The following NUMB variants were observed in gnomAD, a reference collection of about 807,000 sequenced individuals.
NUMB encodes the protein NUMB endocytic adaptor protein, also known as protein numb homolog.
A neutral mutation model predicts 59.7 loss-of-function variants in NUMB; 29 were observed. That is an observed-to-expected ratio of 0.49 (90% CI 0.36 to 0.66). The LOEUF (loss-of-function observed/expected upper bound fraction) is 0.66. Among genes scored for constraint, NUMB ranks in the 30% least tolerant of loss-of-function variants. The pLI is 0.00. For missense variants in NUMB, 723 were observed against 822.0 expected (o/e 0.88, Z 1.47); for synonymous variants, 288 against 288.2 (o/e 1.00, Z 0.01).
chr14:73,350,686 C>A (rs907451383), intron 4 of NUMB, among the ~76,000 whole-genome samples: 19 of 135,688 alleles, frequency 1.4e-4, no homozygotes, highest in African/African-American at 5.1e-4. Context: ...TGTGTACTAC[C>A]ACATCTAGCT....
chr14:73,433,220 A>G (rs1451030949), intron 1 of NUMB, among the ~76,000 whole-genome samples: 2 of 151,912 alleles, frequency 1.3e-5, no homozygotes, highest in Non-Finnish European at 2.9e-5. Context: ...TCAGGAGTTC[A>G]AGACCAGTCT....
At chr14:73,399,991 A>C (rs1221523528) in intron 2 of NUMB, among the ~76,000 whole-genome samples, 3 of 152,164 alleles carry the variant, frequency 2.0e-5, no homozygotes, top group African/African-American at 7.2e-5. Context: ...GTGAGCTGAG[A>C]TCGTGCCACT....
At chr14:73,303,371 G>A (rs899035579) in intron 6 of NUMB, among the ~76,000 whole-genome samples, 1 of 152,152 alleles carries the variant, frequency 6.6e-6, no homozygotes, top group Non-Finnish European at 1.5e-5. Flanking sequence ...CCTGAGGTCA[G>A]GAGTTTGAGA....
At chr14:73,314,965 T>C (rs535420317) in intron 6 of NUMB, among the ~76,000 whole-genome samples, 1 of 152,152 alleles carries the variant, frequency 6.6e-6, no homozygotes, top group Non-Finnish European at 1.5e-5. Context: ...AGATTCTTTC[T>C]AGATATGTAT....
intron 1 of NUMB, among the ~76,000 whole-genome samples, chr14:73,447,018 C>A (rs1883564219): frequency 1.3e-5 from 2 of 150,938 alleles, no homozygotes; most frequent in East Asian, 1.9e-4. Context: ...GAAACCCAGT[C>A]TCTACTAAAA....
intron 4 of NUMB, among the ~76,000 whole-genome samples, chr14:73,346,857 G>A (rs548784450): frequency 6.6e-6 from 1 of 152,236 alleles, no homozygotes; most frequent in South Asian, 2.1e-4. Flanking sequence ...CTTTGCTCCT[G>A]TTAAAATAGA....
intron 1 of NUMB, among the ~76,000 whole-genome samples, chr14:73,439,994 A>T (rs1882901437): frequency 6.6e-6 from 1 of 152,190 alleles, no homozygotes; most frequent in African/African-American, 2.4e-5. Flanking sequence ...TATTTAAATC[A>T]GTGGATTCAT....
At chr14:73,356,930 G>C in intron 3 of NUMB, 1 of 309,494 alleles carries the variant, frequency 3.2e-6, no homozygotes, top group Non-Finnish European at 4.7e-6. Context: ...ACTCCTGAGT[G>C]AAAGCAATCC....
Position 73,308,022 on chromosome 14 carries a change from C to T in NUMB, c.234+8368G>A, listed in dbSNP as rs567877640. ...TGCTGGGATTACAGGCGTGAGCCAC[C>T]GCGCCCGGCCGGGCCTCTGTCTTAA... On this transcript the variant is annotated intron_variant, in intron 6 of 12. Transcript: ENST00000555238. Among the ~76,000 whole-genome samples, 12 of 151,774 alleles carry T rather than the reference C, an allele frequency of 7.9e-5. No individual in the cohort carries two copies. In the South Asian group the frequency reaches 8.3e-4, roughly 11 times the overall value.
intron 2 of NUMB, among the ~76,000 whole-genome samples, chr14:73,370,288 A>G (rs1009115041): frequency 2.0e-5 from 3 of 152,244 alleles, no homozygotes; most frequent in African/African-American, 7.2e-5. Flanking sequence ...TAAATAAGAA[A>G]TGTTTAGGAA....
rs7155599 is a variant in NUMB, at chr14:73,296,890, G to A, written c.309+321C>T. On this transcript the variant is annotated intron_variant, in intron 7 of 12. Transcript: ENST00000555238. ...ATACAAAAATTAGCCAGGCGAGGCCGGGCGCAGTGGCTCACACCTGTAATC... is the reference window on the plus strand; with the variant it reads ...ATACAAAAATTAGCCAGGCGAGGCCAGGCGCAGTGGCTCACACCTGTAATC... 6.8e-3 allele frequency among the ~76,000 whole-genome samples: 1,037 copies of A among 152,020 alleles called. 4 individuals are homozygous for A. The highest frequency in any genetic ancestry group is 0.03 in the South Asian group (143 of 4,812).
intron 3 of NUMB, among the ~76,000 whole-genome samples, chr14:73,365,229 T>C (rs1401372245): frequency 6.6e-6 from 1 of 152,042 alleles, no homozygotes; most frequent in African/African-American, 2.4e-5. Flanking sequence ...TTAGTAGAGA[T>C]GGGGCTTCAC....
intron 2 of NUMB, among the ~76,000 whole-genome samples, chr14:73,380,844 C>T (rs921788574): frequency 6.6e-6 from 1 of 151,122 alleles, no homozygotes; most frequent in South Asian, 2.1e-4. Flanking sequence ...CCTGCTTCAA[C>T]CTCCCAAGTA....
chr14:73,279,321 G>A lies in NUMB; in HGVS notation c.1200C>T (p.Ala400=). The change falls in exon 12 of 13, where the codon GCC becomes GCT. Residue 400 remains alanine, a synonymous_variant. Coordinates refer to ENST00000555238, the MANE Select transcript of NUMB (RefSeq NM_001005743.2). Reference sequence around the variant, plus strand: ...CAATTTCCTTGTTAGCAGCATCAGGGGCATGGGCCCAAGGGTTGGTTTCAC... The same window carrying A: ...CAATTTCCTTGTTAGCAGCATCAGGAGCATGGGCCCAAGGGTTGGTTTCAC... The part of the protein sequence containing the change: ...PVRETNPWAH[A]PDAANKEIAA... The A allele has an allele frequency of 6.2e-7, 1 of 1,614,114 alleles. No individual in the cohort carries two copies.
At chr14:73,421,829 A>G (rs1396396029) in intron 1 of NUMB, among the ~76,000 whole-genome samples, 1 of 152,180 alleles carries the variant, frequency 6.6e-6, no homozygotes, top group East Asian at 1.9e-4. Flanking sequence ...GTCTAAATGT[A>G]AAACAGAATT....
intron 2 of NUMB, among the ~76,000 whole-genome samples, chr14:73,396,031 T>C (rs1202505536): frequency 1.3e-5 from 2 of 152,148 alleles, no homozygotes; most frequent in Non-Finnish European, 2.9e-5. Flanking sequence ...CTTTTTTATT[T>C]TTATTTTTTT....
intron 6 of NUMB, among the ~76,000 whole-genome samples, chr14:73,311,892 G>A (rs565671672): frequency 6.6e-6 from 1 of 152,278 alleles, no homozygotes; most frequent in East Asian, 1.9e-4. Flanking sequence ...TCGTAGATTA[G>A]GGTGGAGATG....
At chr14:73,337,376 C>T (rs1892387206) in intron 4 of NUMB, among the ~76,000 whole-genome samples, 1 of 152,120 alleles carries the variant, frequency 6.6e-6, no homozygotes, top group Admixed American at 6.5e-5. Context: ...TGGTGCATGC[C>T]TGTAATCCCA....
chr14:73,353,083 T>C lies in NUMB; in HGVS notation c.126+2543A>G, dbSNP rs1313705437. ...CCACAGTTTTTCTTGTTTTTTTTTT[T>C]TTTTTTTTTTTTTTTTTTGAGACAG... is the stretch of plus-strand genomic sequence containing the variant. On this transcript the variant is annotated intron_variant, in intron 4 of 12. Transcript: ENST00000555238. 7.0e-4 allele frequency among the ~76,000 whole-genome samples: 74 copies of C among 105,532 alleles called. 4 individuals are homozygous for C. In the South Asian group the frequency reaches 0.014, roughly 20 times the overall value. The allele number at this position is 105,532 out of a possible 152,430, so 69.2% of individuals were successfully genotyped here. A position where few individuals can be genotyped will look rare whatever the true frequency, so the allele number is the denominator to read the frequency against.
Sources: allele counts gnomAD v4.1 joint callset (sites outside exome capture counted in the v4.1 genomes callset), GRCh38; gene constraint gnomAD v4.1.1; transcripts MANE v1.5; gene names NCBI Gene and HGNC (gene_info 2026-07-23, HGNC 2026-07-21).